The following SBF2 variants were observed in gnomAD, a reference collection of about 807,000 sequenced individuals.
SBF2 encodes the protein myotubularin-related protein 13.
A neutral mutation model predicts 225.2 loss-of-function variants in SBF2; 112 were observed. That is an observed-to-expected ratio of 0.50 (90% confidence interval 0.43 to 0.58). SBF2 has a LOEUF of 0.58. Ranked by LOEUF, SBF2 falls within the 20% of genes least tolerant of loss-of-function variation. The pLI is 0.00. For missense variants in SBF2, 1,996 were observed against 2,206.2 expected, an observed-to-expected ratio of 0.90 and a Z score of 1.91; for synonymous variants, 763 against 773.3, an observed-to-expected ratio of 0.99 and a Z score of 0.22.
rs936379489 is a variant in SBF2 at position 10,269,461 on chromosome 11, G to C, written c.55+24554C>G. The stretch of plus-strand genomic sequence containing the variant: ...AGAAAAGAAGGCATGGTTCCCAAAG[G>C]AAGGGATGCCAGGAAGAAAATTCAC... On this transcript the variant is annotated intron_variant, in intron 1 of 39. Transcript: ENST00000256190. 4.6e-5 allele frequency among the ~76,000 whole-genome samples: 7 copies of C among 152,314 alleles called. 1 individual carries two copies. Among genetic ancestry groups the C allele is most frequent in the Admixed American group, 1.3e-4 (2 of 15,306 alleles).
intron 2 of SBF2, among the ~76,000 whole-genome samples, chr11:10,047,549 T>C (rs1363254625): frequency 1.3e-5 from 2 of 152,154 alleles, no homozygotes; most frequent in East Asian, 1.9e-4. Flanking sequence ...AAATGTTAGG[T>C]ATTATGACCA....
At chr11:9,906,567 T>C (rs996571698) in intron 16 of SBF2, among the ~76,000 whole-genome samples, 5 of 152,208 alleles carry the variant, frequency 3.3e-5, no homozygotes. Flanking sequence ...AAAAATTCTT[T>C]GCAAATCACG....
chr11:10,298,572 C>T (rs2133652214), upstream of SBF2, among the ~76,000 whole-genome samples: 1 of 152,328 alleles, frequency 6.6e-6, no homozygotes, highest in South Asian at 2.1e-4. Flanking sequence ...GAGAGTCAGA[C>T]TTGAGCAAAC....
chr11:10,209,028 T>G (rs755514098), intron 1 of SBF2, among the ~76,000 whole-genome samples: 2 of 152,160 alleles, frequency 1.3e-5, no homozygotes, highest in Non-Finnish European at 2.9e-5. Flanking sequence ...GCTATTATGT[T>G]AATCTTCCTT....
chr11:10,247,654 C>A (rs1477120560), intron 1 of SBF2, among the ~76,000 whole-genome samples: 1 of 151,984 alleles, frequency 6.6e-6, no homozygotes, highest in Non-Finnish European at 1.5e-5. Context: ...AAGATCGTGC[C>A]ACTGTACTCC....
At chr11:9,856,785 ATTTT>A (rs11322743) in intron 18 of SBF2, 65 bp from the exon 19 acceptor site, 2,913 of 1,033,856 alleles carry the variant, frequency 2.8e-3, no homozygotes, top group Non-Finnish European at 3.1e-3. Flanking sequence ...AAAAACATAG[ATTTT>A]TTTTTTTTTT....
At chr11:10,091,488 T>G (rs143893335) in intron 2 of SBF2, among the ~76,000 whole-genome samples, 141 of 152,304 alleles carry the variant, frequency 9.3e-4, no homozygotes, top group African/African-American at 2.8e-3. Flanking sequence ...TTATTAAGTA[T>G]AATTCTGTAC....
intron 1 of SBF2, among the ~76,000 whole-genome samples, chr11:10,278,654 G>C (rs960790751): frequency 6.6e-6 from 1 of 151,864 alleles, no homozygotes; most frequent in Admixed American, 6.6e-5. Context: ...ATGGTGGCAG[G>C]CGCCTGTAAT....
intron 2 of SBF2, among the ~76,000 whole-genome samples, chr11:10,160,716 C>G (rs1007454353): frequency 6.6e-6 from 1 of 151,994 alleles, no homozygotes; most frequent in Admixed American, 6.6e-5. Context: ...GAACTCTAAG[C>G]CCTTCATTAT....
intron 16 of SBF2, chr11:9,956,520 C>G (rs1400199421): frequency 6.7e-6 from 1 of 150,304 alleles, no homozygotes; most frequent in Non-Finnish European, 1.5e-5. Flanking sequence ...ATTATTGACA[C>G]AGATCATCTT....
chr11:10,127,986 G>A (rs1453729554), intron 2 of SBF2, among the ~76,000 whole-genome samples: 1 of 152,146 alleles, frequency 6.6e-6, no homozygotes. Context: ...ATAACATTAT[G>A]TGAGCATTAA....
At chr11:10,154,246 C>A (rs2135182812) in intron 2 of SBF2, among the ~76,000 whole-genome samples, 1 of 152,178 alleles carries the variant, frequency 6.6e-6, no homozygotes. Flanking sequence ...TATCTTGCAA[C>A]TTCTAAGAAA....
intron 17 of SBF2, among the ~76,000 whole-genome samples, chr11:9,867,043 A>G (rs1858284044): frequency 6.6e-6 from 1 of 152,192 alleles, no homozygotes; most frequent in Non-Finnish European, 1.5e-5. Flanking sequence ...AAAAAATAGA[A>G]TAAGACCTAG....
rs138895318 is a variant in SBF2, at chr11:10,200,977, T to C, written c.56-6990A>G. On this transcript the variant is annotated intron_variant, in intron 1 of 39. Coordinates refer to ENST00000256190, the MANE Select transcript of SBF2 (RefSeq NM_030962.4). ...AAAGTCTTGGTCAAAACATGCTATA[T>C]ACACATTACTGACACTGGCACCAGT... is the stretch of plus-strand genomic sequence containing the variant. Among the ~76,000 whole-genome samples the C allele has an allele frequency of 3.6e-3, 551 of 152,328 alleles. 5 individuals carry two copies. The highest frequency in any genetic ancestry group is 0.013 in the African/African-American group (527 of 41,572).
At chr11:9,949,842 C>T (rs1421555849) in intron 16 of SBF2, among the ~76,000 whole-genome samples, 1 of 152,018 alleles carries the variant, frequency 6.6e-6, no homozygotes, top group Non-Finnish European at 1.5e-5. Context: ...ACACCATTTA[C>T]ATAAATTAAA....
intron 1 of SBF2, among the ~76,000 whole-genome samples, chr11:10,247,478 C>T (rs980004546): frequency 2.0e-5 from 3 of 148,832 alleles, no homozygotes; most frequent in Admixed American, 6.7e-5. Flanking sequence ...GTCAGGAGTT[C>T]GAGACCAGCC....
At chr11:10,003,846 C>T (rs1948077331) in intron 6 of SBF2, among the ~76,000 whole-genome samples, 1 of 151,886 alleles carries the variant, frequency 6.6e-6, no homozygotes, top group African/African-American at 2.4e-5. Flanking sequence ...TTCTTATTTT[C>T]TCCTGTTTAT....
chr11:10,290,045 A>G (rs1475210006), intron 1 of SBF2, among the ~76,000 whole-genome samples: 1 of 152,186 alleles, frequency 6.6e-6, no homozygotes, highest in East Asian at 1.9e-4. Context: ...CATCAACATG[A>G]CAAAAGAAGA....
At chr11:10,191,183 G>A (rs1056920917) in intron 2 of SBF2, among the ~76,000 whole-genome samples, 2 of 152,036 alleles carry the variant, frequency 1.3e-5, no homozygotes, top group African/African-American at 4.8e-5. Context: ...ATCAGAAAAG[G>A]GTCACGACTA....
Sources: allele counts gnomAD v4.1 joint callset (sites outside exome capture counted in the v4.1 genomes callset), GRCh38; gene constraint gnomAD v4.1.1; transcripts MANE v1.5; gene names NCBI Gene and HGNC (gene_info 2026-07-23, HGNC 2026-07-21).